PABPC1L: variants seen among roughly 807,000 people sequenced by gnomAD.
PABPC1L encodes poly(A) binding protein cytoplasmic 1 like.
A neutral mutation model predicts 66.6 loss-of-function variants in PABPC1L; 31 were observed. The observed-to-expected ratio is 0.47, with a 90% CI of 0.35 to 0.63. The LOEUF (loss-of-function observed/expected upper bound fraction) is 0.63, where lower values mean the gene tolerates loss of function less well. Ranked by LOEUF, PABPC1L falls within the 20% of genes least tolerant of loss-of-function variation. The pLI is 0.00. For synonymous variants in PABPC1L, 348 were observed against 335.1 expected (o/e 1.04, Z -0.42); for missense variants, 722 against 848.8 (o/e 0.85, Z 1.86).
intron 8 of PABPC1L, among the ~76,000 whole-genome samples, chr20:44,931,011 T>TCCTTC: frequency 1.2e-5 from 1 of 86,000 alleles, no homozygotes; most frequent in South Asian, 3.9e-4. Flanking sequence ...CTTCCTCCCT[T>TCCTTC]CCTTCCCTTC....
chr20:44,938,223 A>AG (rs1209274211), intron 13 of PABPC1L, 32 bp downstream of exon 13: 2 of 1,605,138 alleles, frequency 1.2e-6, no homozygotes, highest in Non-Finnish European at 1.7e-6. Flanking sequence ...AGGGAGCCCG[A>AG]GGGGGCAGGA....
chr20:44,931,061 T>TCCCCTCCCTCCC (rs1282860176), intron 8 of PABPC1L, among the ~76,000 whole-genome samples: 1 of 11,670 alleles, frequency 8.6e-5, no homozygotes, highest in Admixed American at 1.1e-3. Context: ...TTCCCTTCCC[T>TCCCCTCCCTCCC]TCCCTCCCTC....
chr20:44,936,784 C>A, intron 12 of PABPC1L, 54 bp downstream of exon 12: 1 of 1,535,056 alleles, frequency 6.5e-7, no homozygotes, highest in Non-Finnish European at 8.9e-7. Context: ...TGCGAGCTGG[C>A]TAGCCTGCTG....
rs201462525 is a variant in PABPC1L, at chr20:44,938,074, C to A, written c.1674C>A (p.Tyr558Ter). The A allele has an allele frequency of 6.2e-7, 1 of 1,614,160 alleles. No individual in the cohort carries two copies. The highest frequency in any genetic ancestry group is 1.1e-5 in the South Asian group (1 of 91,076). Residue 558 changes from tyrosine (Y) to a stop codon, truncating the protein, a stop_gained, in exon 13 of 15, where the codon TAC (tyrosine) becomes TAA (stop). Transcript: ENST00000217073. LOFTEE classifies it high-confidence loss of function. ...EQKQMIGERL[Y>*]PLIHDVHTQL... ...TGTTCCACACAGGGGAGCGTCTCTA[C>A]CCCCTTATCCATGATGTCCACACCC...
intron 2 of PABPC1L, among the ~76,000 whole-genome samples, chr20:44,915,059 G>A (rs1601107416): frequency 6.6e-6 from 1 of 152,340 alleles, no homozygotes; most frequent in South Asian, 2.1e-4. Context: ...GGCTTGAGTT[G>A]AAAGTGGAAG....
rs1405599219 is a variant in PABPC1L at position 44,933,188 on chromosome 20, G to T, written c.1459+3G>T. The T allele has an allele frequency of 6.3e-7, 1 of 1,599,296 alleles. No individual in the cohort carries two copies. The highest frequency in any genetic ancestry group is 8.5e-7 in the Non-Finnish European group (1 of 1,173,510). ...GGTGCCTCATACCCAGAGAGTAGGT[G>T]AGTGTGGGTAGGGCCAAGGGGAATG... On this transcript the variant is annotated splice_donor_region_variant and intron_variant, in intron 10 of 14. Transcript: ENST00000217073.
At position 44,938,918 on chromosome 20, in the gene PABPC1L, G is replaced by A. The variant is rs73298546; in HGVS notation, c.*6+170G>A. 9.5e-3 allele frequency among the ~76,000 whole-genome samples: 1,442 copies of A among 152,340 alleles called. 25 individuals are homozygous for A. Among genetic ancestry groups the A allele is most frequent in the African/African-American group, 0.032 (1,347 of 41,566 alleles). Reference sequence around the variant, plus strand: ...TCAGAGGAGATGATTAACTGTGATCGGAATGGGGGGTGGTGGAGGGTGAAG... The same window carrying A: ...TCAGAGGAGATGATTAACTGTGATCAGAATGGGGGGTGGTGGAGGGTGAAG... On this transcript the variant is annotated intron_variant, in intron 14 of 14. Transcript: ENST00000217073.
Position 44,921,575 on chromosome 20 carries a change from TC to T in PABPC1L, c.739-16del, listed in dbSNP as rs748034030. On this transcript the variant is annotated intron_variant, in intron 5 of 14. Coordinates refer to ENST00000217073, the MANE Select transcript of PABPC1L (RefSeq NM_001372179.1). Reference sequence around the variant, plus strand: ...ACATCTGAGTGGTTACCAAGCATGTTCCCTCCTCCTTTCCCCAGGCCGTGGT... The same window carrying T: ...ACATCTGAGTGGTTACCAAGCATGTTCCTCCTCCTTTCCCCAGGCCGTGGT... 1 of 1,613,426 alleles carries T rather than the reference TC, an allele frequency of 6.2e-7. No individual in the cohort carries two copies. Among genetic ancestry groups the T allele is most frequent in the East Asian group, 2.2e-5 (1 of 44,860 alleles).
At chr20:44,937,265 G>A in intron 12 of PABPC1L, 2 of 312,136 alleles carry the variant, frequency 6.4e-6, no homozygotes, top group South Asian at 5.3e-5. Context: ...GCCACTAAGT[G>A]AACACAAGCT....
intron 3 of PABPC1L, 135 bp from the exon 4 acceptor site, chr20:44,918,771 A>C: frequency 9.9e-7 from 1 of 1,014,660 alleles, no homozygotes; most frequent in South Asian, 1.8e-5. Flanking sequence ...TGTTCTAAGG[A>C]GTATTGTCCT....
intron 10 of PABPC1L, 79 bp from the exon 11 acceptor site, chr20:44,935,312 G>GTT: frequency 9.8e-7 from 1 of 1,016,394 alleles, no homozygotes; most frequent in African/African-American, 1.6e-5. Flanking sequence ...CTGTTTTGGT[G>GTT]TTGTTTTGTT....
chr20:44,913,154 T>G (rs1169891481), intron 2 of PABPC1L, among the ~76,000 whole-genome samples: 3 of 152,212 alleles, frequency 2.0e-5, no homozygotes, highest in African/African-American at 7.2e-5. Flanking sequence ...AGCTGGGCAG[T>G]TCTTCTGGTC....
In PABPC1L at chr20:44,914,720, CTG is replaced by C. The variant is rs554030131; in HGVS notation, c.387+1871_387+1872del. Among the ~76,000 whole-genome samples the C allele has an allele frequency of 2.9e-3, 441 of 152,280 alleles. 4 individuals are homozygous for C. Among genetic ancestry groups the C allele is most frequent in the African/African-American group, 9.6e-3 (400 of 41,544 alleles). On this transcript the variant is annotated intron_variant, in intron 2 of 14. Coordinates refer to ENST00000217073, the MANE Select transcript of PABPC1L (RefSeq NM_001372179.1). ...GGATCAAAGGAAGAAAGACTCTTAA[CTG>C]TGTATTAAGTTCTTCACAATAATAA...
In PABPC1L at chr20:44,932,432, T is replaced by C. The variant is rs1463921351; in HGVS notation, c.1330T>C (p.Ser444Pro). 6.2e-7 allele frequency: 1 copy of C among 1,611,952 alleles called. No homozygotes were observed. The highest frequency in any genetic ancestry group is 1.7e-5 in the Admixed American group (1 of 59,888). The change falls in exon 9 of 15, where the codon TCT becomes CCT. Residue 444 changes from serine to proline, a missense_variant and splice_region_variant. Ser to Pro is a moderately conservative substitution (Grantham distance 74). Transcript: ENST00000217073. ...GACATCCCAGCCACCTAGACCTTCC[T>C]GTGAGTGACCCAGCCCCTTCCACTC... ...RWTSQPPRPS[S>P]AYPPGASMVR... is the part of the protein sequence containing the mutation.
At position 44,930,618 on chromosome 20, in the gene PABPC1L, C is replaced by T. The variant is rs746816385; in HGVS notation, c.1131C>T (p.Ile377=). The T allele has an allele frequency of 1.9e-6, 3 of 1,614,240 alleles. No homozygotes were observed. The highest frequency in any genetic ancestry group is 2.2e-5 in the South Asian group (2 of 91,084). ...AGCGCAAAGAGGAGCGGAAGGCCAT[C>T]TTGACCAACCAGTACATGCAGCGCC... ...LAQRKEERKA[I]LTNQYMQRLS... The change falls in exon 8 of 15, where the codon ATC becomes ATT. Residue 377 remains isoleucine (I), a synonymous_variant. Transcript: ENST00000217073.
chr20:44,938,511 G>C (rs2066919167), intron 13 of PABPC1L, among the ~76,000 whole-genome samples, 163 bp from the exon 14 acceptor site: 1 of 152,140 alleles, frequency 6.6e-6, no homozygotes, highest in Non-Finnish European at 1.5e-5. Context: ...GACAGACAGG[G>C]CCATGGGATC....
intron 1 of PABPC1L, among the ~76,000 whole-genome samples, chr20:44,911,891 C>T (rs888927310): frequency 4.6e-5 from 7 of 152,318 alleles, no homozygotes; most frequent in Middle Eastern, 3.4e-3. Flanking sequence ...AGCCCCCTTC[C>T]ATGTCTCTGC....
At chr20:44,926,103 T>C (rs2066807369) in intron 7 of PABPC1L, among the ~76,000 whole-genome samples, 1 of 152,234 alleles carries the variant, frequency 6.6e-6, no homozygotes, top group Non-Finnish European at 1.5e-5. Context: ...CTTCAGGAGA[T>C]GGACCTTCTT....
rs2066874720 is a variant in PABPC1L, at chr20:44,933,126, G to T, written c.1400G>T (p.Ser467Ile). 1.9e-6 allele frequency: 3 copies of T among 1,609,584 alleles called. No homozygotes were observed. The highest frequency in any genetic ancestry group is 2.7e-5 in the African/African-American group (2 of 74,906). ...VVPRRPPAHISSVRQASTQVP... is the reference protein window; with the variant it reads ...VVPRRPPAHIISVRQASTQVP... ...CCTCGGCGCCCCCCGGCCCACATCA[G>T]CAGTGTCAGGCAGGCCTCCACCCAG... Residue 467 changes from serine (S) to isoleucine (I), a missense_variant, in exon 10 of 15, where the codon AGC becomes ATC. By Grantham distance (142) the Ser-to-Ile change is moderately radical. Coordinates refer to ENST00000217073, the MANE Select transcript of PABPC1L (RefSeq NM_001372179.1).
Sources: allele counts gnomAD v4.1 joint callset (sites outside exome capture counted in the v4.1 genomes callset), GRCh38; gene constraint gnomAD v4.1.1; transcripts MANE v1.5; gene names NCBI Gene and HGNC (gene_info 2026-07-23, HGNC 2026-07-21).